PAPSS2: variants seen among roughly 807,000 people sequenced by gnomAD.
PAPSS2 encodes the protein bifunctional 3'-phosphoadenosine 5'-phosphosulfate synthase 2.
A neutral mutation model predicts 66.5 loss-of-function variants in PAPSS2; 61 were observed. The observed-to-expected ratio is 0.92, with a 90% CI of 0.75 to 1.14. PAPSS2 has a LOEUF of 1.14. PAPSS2 is among the 50% of genes most tolerant of loss of function. The pLI is 0.00. For missense variants in PAPSS2, 708 were observed against 789.6 expected (o/e 0.90, Z 1.24); for synonymous variants, 289 against 287.5 (o/e 1.01, Z -0.05).
intron 1 of PAPSS2, among the ~76,000 whole-genome samples, chr10:87,699,603 G>A (rs374444016): frequency 3.9e-5 from 6 of 152,116 alleles, no homozygotes; most frequent in African/African-American, 1.2e-4. Flanking sequence ...TGTAATCCTA[G>A]CACTTTGGGA....
At chr10:87,743,766 G>A in intron 11 of PAPSS2, 125 bp downstream of exon 11, 9 of 1,144,612 alleles carry the variant, frequency 7.9e-6, no homozygotes, top group African/African-American at 1.5e-5. Context: ...ATGTTCTGGT[G>A]TCTCTTCTTT....
chr10:87,722,781 A>G (rs1032091876), intron 8 of PAPSS2, among the ~76,000 whole-genome samples: 4 of 152,222 alleles, frequency 2.6e-5, no homozygotes, highest in Non-Finnish European at 4.4e-5. Context: ...GTTGATAAAG[A>G]TGATAGGGAA....
intron 9 of PAPSS2, among the ~76,000 whole-genome samples, chr10:87,738,512 T>C (rs941455202): frequency 6.6e-6 from 1 of 152,016 alleles, no homozygotes; most frequent in African/African-American, 2.4e-5. Context: ...CAGGCTCAGG[T>C]GATCCTCCCA....
chr10:87,720,881 A>G (rs911538421), intron 7 of PAPSS2, among the ~76,000 whole-genome samples: 1 of 152,240 alleles, frequency 6.6e-6, no homozygotes, highest in African/African-American at 2.4e-5. Flanking sequence ...CACTAGAAGT[A>G]TAGTTCCAGG....
rs1554860707 is a variant in PAPSS2, at chr10:87,659,881, C to CGATGCT, written c.-100_-99insATGCTG. 2 of 1,037,638 alleles carry CGATGCT rather than the reference C, an allele frequency of 1.9e-6. No individual in the cohort carries two copies. The highest frequency in any genetic ancestry group is 3.2e-5 in the African/African-American group (2 of 63,062). 64.3% of individuals were successfully genotyped at this position (1,037,638 alleles called of 1,614,324 possible). A position where few individuals can be genotyped will look rare whatever the true frequency, so the allele number is the denominator to read the frequency against. On this transcript the variant is annotated 5_prime_UTR_variant, in exon 1 of 13. In the 5' UTR this introduces an upstream ATG that the reference lacks. Coordinates refer to ENST00000456849, the MANE Select transcript of PAPSS2 (RefSeq NM_001015880.2). The stretch of plus-strand genomic sequence containing the variant: ...ACCTCCTTCCCGGGAGTCCGGCAGC[C>CGATGCT]GCTGCTGCTGCTGCTGCTGCTGCTG...
In PAPSS2 at chr10:87,746,509, A is replaced by G. The variant is rs1291957620; in HGVS notation, c.*539A>G. 1.3e-5 allele frequency: 2 copies of G among 152,432 alleles called. No individual in the cohort carries two copies. The highest frequency in any genetic ancestry group is 1.9e-4 in the East Asian group (1 of 5,210). The allele number at this position is 152,432 out of a possible 1,614,324, so 9.4% of individuals were successfully genotyped here. ...TGTACAAAGCCTTAATGTTGTAATC[A>G]TATCTTACGTGTTGAAGACCTGACT... is the stretch of plus-strand genomic sequence containing the variant. On this transcript the variant is annotated 3_prime_UTR_variant, in exon 13 of 13. Transcript: ENST00000456849.
intron 1 of PAPSS2, among the ~76,000 whole-genome samples, chr10:87,674,689 A>T (rs980545575): frequency 1.3e-5 from 2 of 152,228 alleles, no homozygotes; most frequent in Non-Finnish European, 2.9e-5. Flanking sequence ...GAGTTATAAA[A>T]ATACTTCAAA....
intron 7 of PAPSS2, among the ~76,000 whole-genome samples, chr10:87,718,140 T>A (rs1031079470): frequency 1.3e-5 from 2 of 152,014 alleles, no homozygotes; most frequent in African/African-American, 4.8e-5. Context: ...CCTCCCGGGT[T>A]CAAGCGATTC....
intron 1 of PAPSS2, among the ~76,000 whole-genome samples, chr10:87,703,364 C>T (rs896117735): frequency 6.6e-6 from 1 of 151,652 alleles, no homozygotes; most frequent in Non-Finnish European, 1.5e-5. Flanking sequence ...ATGAGTGCCA[C>T]ATCCTCCCCA....
intron 7 of PAPSS2, among the ~76,000 whole-genome samples, chr10:87,717,406 A>G (rs886876779): frequency 6.6e-5 from 10 of 152,192 alleles, no homozygotes; most frequent in African/African-American, 2.4e-4. Flanking sequence ...GTCAGTGTTA[A>G]TGGAAATCAG....
At position 87,743,366 on chromosome 10, in the gene PAPSS2, C is replaced by A. The variant is rs1254906351; in HGVS notation, c.1223-7C>A. Reference sequence around the variant, plus strand: ...GTGACCTTCCTTCTTCTGCTTTCCTCTCCCAGATGCGGTGTTTGCATTCCA... The same window carrying A: ...GTGACCTTCCTTCTTCTGCTTTCCTATCCCAGATGCGGTGTTTGCATTCCA... On this transcript the variant is annotated splice_region_variant and splice_polypyrimidine_tract_variant and intron_variant, in intron 10 of 12. Transcript: ENST00000456849. 7.4e-6 allele frequency: 12 copies of A among 1,613,108 alleles called. No homozygotes were observed. The highest frequency in any genetic ancestry group is 1.0e-5 in the Non-Finnish European group (12 of 1,179,940).
At chr10:87,669,336 T>C (rs1852849249) in intron 1 of PAPSS2, among the ~76,000 whole-genome samples, 1 of 152,214 alleles carries the variant, frequency 6.6e-6, no homozygotes, top group Non-Finnish European at 1.5e-5. Flanking sequence ...GCTTCCTCAG[T>C]TCGCAAAGTA....
chr10:87,675,383 A>G (rs1852931342), intron 1 of PAPSS2, among the ~76,000 whole-genome samples: 1 of 152,224 alleles, frequency 6.6e-6, no homozygotes. Context: ...AAAACTTGGT[A>G]TGTGTGTATT....
intron 10 of PAPSS2, among the ~76,000 whole-genome samples, chr10:87,741,792 T>G (rs769485544): frequency 5.3e-5 from 8 of 152,138 alleles, no homozygotes; most frequent in Non-Finnish European, 1.0e-4. Flanking sequence ...GGTCTCACCC[T>G]GTCACCCAGG....
chr10:87,681,415 G>T (rs1398059316), intron 1 of PAPSS2, among the ~76,000 whole-genome samples: 1 of 152,112 alleles, frequency 6.6e-6, no homozygotes, highest in African/African-American at 2.4e-5. Flanking sequence ...TATAGCCTTG[G>T]TCATAGACAA....
At chr10:87,687,373 AT>A (rs1853101062) in intron 1 of PAPSS2, among the ~76,000 whole-genome samples, 1 of 152,224 alleles carries the variant, frequency 6.6e-6, no homozygotes, top group African/African-American at 2.4e-5. Flanking sequence ...ATACTATCTT[AT>A]TTTGGATTTT....
rs1302760498 is a variant in PAPSS2 at position 87,690,869 on chromosome 10, A to T, written c.28-18327A>T. Among the ~76,000 whole-genome samples, 4 of 152,206 alleles carry T rather than the reference A, an allele frequency of 2.6e-5. No individual in the cohort carries two copies. In the East Asian group the frequency reaches 7.7e-4, roughly 29 times the overall value. On this transcript the variant is annotated intron_variant, in intron 1 of 12. Coordinates refer to ENST00000456849, the MANE Select transcript of PAPSS2 (RefSeq NM_001015880.2). ...TATAAGTGAAGGAACAGAGAGGTTA[A>T]GTAATTTACTTAAGGGCATACAGCA...
In PAPSS2 at chr10:87,706,084, G is replaced by GTATATATATATA. The variant is rs532950801; in HGVS notation, c.28-3098_28-3087dup. Among the ~76,000 whole-genome samples, 544 of 59,684 alleles carry GTATATATATATA rather than the reference G, an allele frequency of 9.1e-3. 1 individual carries two copies. Among genetic ancestry groups the GTATATATATATA allele is most frequent in the Non-Finnish European group, 0.012 (428 of 34,576 alleles). 39.2% of individuals were successfully genotyped at this position (59,684 alleles called of 152,430 possible). A position where few individuals can be genotyped will look rare whatever the true frequency, so the allele number is the denominator to read the frequency against. On this transcript the variant is annotated intron_variant, in intron 1 of 12. Transcript: ENST00000456849. ...AGTGTGCTTTACGTTTCTTCACATGGTATATATATATATATATATATATAT... is the reference window on the plus strand; with the variant it reads ...AGTGTGCTTTACGTTTCTTCACATGGTATATATATATATATATATATATATATATATATATAT...
Position 87,745,823 on chromosome 10 carries a change from C to T in PAPSS2, c.1722-9C>T. 1 of 1,613,934 alleles carries T rather than the reference C, an allele frequency of 6.2e-7. No individual in the cohort carries two copies. Among genetic ancestry groups the T allele is most frequent in the Non-Finnish European group, 8.5e-7 (1 of 1,179,870 alleles). On this transcript the variant is annotated splice_polypyrimidine_tract_variant and intron_variant, in intron 12 of 12. Coordinates refer to ENST00000456849, the MANE Select transcript of PAPSS2 (RefSeq NM_001015880.2). ...CTACACTGAGTTCTTTGTTGCCACC[C>T]TGTAACAGGCACAATGAGTTTGACT...
Sources: gnomAD v4.1 joint callset for allele counts (sites outside exome capture counted in the v4.1 genomes callset) on GRCh38, gnomAD v4.1.1 for gene constraint, MANE v1.5 for transcripts, NCBI Gene and HGNC (gene_info 2026-07-23, HGNC 2026-07-21) for gene names.